The following SHANK2 variants were observed in gnomAD, a reference collection of about 807,000 sequenced individuals.
SHANK2 encodes the protein SH3 and multiple ankyrin repeat domains 2.
Under a neutral mutation model 133.7 loss-of-function variants are expected in SHANK2, and 43 were observed. The observed-to-expected ratio is 0.32, with a 90% CI of 0.25 to 0.41. The LOEUF is 0.41. Among genes scored for constraint, SHANK2 ranks in the 10% least tolerant of loss-of-function variants. The pLI is 1.00. For missense variants in SHANK2, 1,994 were observed against 2,235.8 expected (o/e 0.89, Z 2.18); for synonymous variants, 1,017 against 952.8 (o/e 1.07, Z -1.24).
At chr11:70,616,981 A>G (rs1483778247) in intron 17 of SHANK2, among the ~76,000 whole-genome samples, 1 of 151,636 alleles carries the variant, frequency 6.6e-6, no homozygotes, top group Admixed American at 6.6e-5. Context: ...AGTGTCTGAG[A>G]GTGTGTTGTG....
chr11:70,701,923 A>AC, intron 14 of SHANK2, among the ~76,000 whole-genome samples: 1 of 150,312 alleles, frequency 6.7e-6, no homozygotes, highest in South Asian at 2.1e-4. Flanking sequence ...CACCATCATC[A>AC]CCACCACCAT....
intron 11 of SHANK2, among the ~76,000 whole-genome samples, chr11:70,852,943 C>T (rs1949110790): frequency 6.6e-6 from 1 of 152,230 alleles, no homozygotes; most frequent in Admixed American, 6.5e-5. Flanking sequence ...GTCTCCACAT[C>T]ACTGTCAGCC....
At chr11:70,791,504 C>T (rs577041262) in intron 14 of SHANK2, among the ~76,000 whole-genome samples, 33 of 152,266 alleles carry the variant, frequency 2.2e-4, no homozygotes, top group African/African-American at 7.0e-4. Flanking sequence ...GTCTCTTACG[C>T]ACAGAAACAA....
intron 2 of SHANK2, among the ~76,000 whole-genome samples, chr11:71,148,091 T>G (rs1213829622): frequency 6.7e-6 from 1 of 149,412 alleles, no homozygotes; most frequent in African/African-American, 2.6e-5. Context: ...CTTGTTTTTT[T>G]TTTTTTTTTT....
intron 17 of SHANK2, among the ~76,000 whole-genome samples, chr11:70,578,507 C>A (rs1554984746): frequency 6.6e-6 from 1 of 152,172 alleles, no homozygotes; most frequent in Non-Finnish European, 1.5e-5. Context: ...GAGCTCGTGG[C>A]CACGACGGGC....
At chr11:70,708,844 C>A (rs1431010712) in intron 14 of SHANK2, among the ~76,000 whole-genome samples, 1 of 152,118 alleles carries the variant, frequency 6.6e-6, no homozygotes, top group Non-Finnish European at 1.5e-5. Flanking sequence ...TGATGCCATG[C>A]GTCCTGAAGA....
At chr11:70,940,935 T>C (rs1339365343) in intron 10 of SHANK2, among the ~76,000 whole-genome samples, 2 of 152,172 alleles carry the variant, frequency 1.3e-5, no homozygotes, top group Non-Finnish European at 2.9e-5. Context: ...AAGTGTGCTA[T>C]GTGGCAGGGA....
chr11:71,117,611 T>C (rs1316678246), intron 4 of SHANK2, among the ~76,000 whole-genome samples: 3 of 152,162 alleles, frequency 2.0e-5, no homozygotes, highest in African/African-American at 7.2e-5. Context: ...TTTCATCCTA[T>C]GTAATGCCTA....
At chr11:70,806,183 C>T (rs1428726089) in intron 13 of SHANK2, among the ~76,000 whole-genome samples, 1 of 152,202 alleles carries the variant, frequency 6.6e-6, no homozygotes, top group African/African-American at 2.4e-5. Context: ...TGGCAACCTG[C>T]CCTCCAATGG....
rs576701283 is a variant in SHANK2 at position 70,788,596 on chromosome 11, C to T, written c.1777+9847G>A. 2.6e-5 allele frequency among the ~76,000 whole-genome samples: 4 copies of T among 152,240 alleles called. No homozygotes were observed. The East Asian group carries it at 7.8e-4, about 30-fold the overall frequency. On this transcript the variant is annotated intron_variant, in intron 14 of 25. Transcript: ENST00000601538. ...AGGGCAGTACAGGGTTCAGCGCTGT[C>T]CCCCATTTCAGGCACCCAATGGGGG...
chr11:70,519,642 C>T (rs966629002), intron 17 of SHANK2, among the ~76,000 whole-genome samples: 2 of 151,344 alleles, frequency 1.3e-5, no homozygotes, highest in Non-Finnish European at 2.9e-5. Flanking sequence ...AGTGAAACTC[C>T]GTCTCAAAAA....
chr11:70,710,057 G>A (rs1945746859), intron 14 of SHANK2, among the ~76,000 whole-genome samples: 1 of 152,108 alleles, frequency 6.6e-6, no homozygotes, highest in Non-Finnish European at 1.5e-5. Flanking sequence ...CAGCAGAAGA[G>A]GTTTTCTAGG....
chr11:71,186,613 C>T (rs932173481), intron 2 of SHANK2, among the ~76,000 whole-genome samples: 2 of 152,210 alleles, frequency 1.3e-5, no homozygotes, highest in Admixed American at 6.5e-5. Context: ...TTAGAGGGGT[C>T]ATAAGAGACC....
intron 6 of SHANK2, among the ~76,000 whole-genome samples, chr11:71,105,522 G>A (rs1951787860): frequency 6.6e-6 from 1 of 151,020 alleles, no homozygotes; most frequent in Admixed American, 6.6e-5. Flanking sequence ...AACTCGGGAG[G>A]CGGAGGTTGC....
intron 15 of SHANK2, among the ~76,000 whole-genome samples, chr11:70,686,929 C>G (rs569984854): frequency 1.4e-4 from 22 of 152,336 alleles, no homozygotes; most frequent in Admixed American, 5.2e-4. Context: ...GCCTTGTATG[C>G]CACTGATGGC....
At chr11:70,565,202 C>T (rs1554981632) in intron 17 of SHANK2, among the ~76,000 whole-genome samples, 1 of 146,254 alleles carries the variant, frequency 6.8e-6, no homozygotes, top group African/African-American at 2.6e-5. Flanking sequence ...AGTTAAGTCA[C>T]CTGGAAGCAG....
chr11:71,172,938 C>T (rs1953348825), intron 2 of SHANK2, among the ~76,000 whole-genome samples: 1 of 152,214 alleles, frequency 6.6e-6, no homozygotes, highest in Non-Finnish European at 1.5e-5. Context: ...CCTTCAAAGA[C>T]ACTCTCGTGG....
chr11:70,475,458 C>G (rs1021175038), intron 25 of SHANK2, among the ~76,000 whole-genome samples: 2 of 152,102 alleles, frequency 1.3e-5, no homozygotes, highest in African/African-American at 4.8e-5. Flanking sequence ...TCTAGTCTGT[C>G]TCTCTCCGTT....
chr11:70,667,712 T>C (rs1944705226), intron 15 of SHANK2: 1 of 152,246 alleles, frequency 6.6e-6, no homozygotes, highest in Non-Finnish European at 1.5e-5. Context: ...GTGATGTCCA[T>C]TTGGAGGCAC....
Sources: allele counts gnomAD v4.1 joint callset (sites outside exome capture counted in the v4.1 genomes callset), GRCh38; gene constraint gnomAD v4.1.1; transcripts MANE v1.5; gene names NCBI Gene and HGNC (gene_info 2026-07-23, HGNC 2026-07-21).